The following RSU1 variants were observed in gnomAD, a reference collection of about 807,000 sequenced individuals.
The protein encoded by RSU1 is rsu-1.
A neutral mutation model predicts 31.1 loss-of-function variants in RSU1; 26 were observed. That is an observed-to-expected ratio of 0.84 (90% CI 0.61 to 1.16). The LOEUF (loss-of-function observed/expected upper bound fraction) is 1.16, where lower values mean the gene tolerates loss of function less well. Among genes scored for constraint, RSU1 ranks in the 50% most tolerant of loss-of-function variants. RSU1 has a pLI of 0.00. For missense variants in RSU1, 320 were observed against 339.1 expected, an observed-to-expected ratio of 0.94 and a Z score of 0.44; for synonymous variants, 164 against 136.3, an observed-to-expected ratio of 1.20 and a Z score of -1.41.
chr10:16,607,490 C>T (rs1321245046), intron 8 of RSU1, among the ~76,000 whole-genome samples: 2 of 152,158 alleles, frequency 1.3e-5, no homozygotes, highest in African/African-American at 2.4e-5. Context: ...GATTAATCCA[C>T]TAGCAGGGTG....
At chr10:16,788,150 G>GT (rs1837833168) in intron 2 of RSU1, among the ~76,000 whole-genome samples, 1 of 152,190 alleles carries the variant, frequency 6.6e-6, no homozygotes, top group Non-Finnish European at 1.5e-5. Flanking sequence ...ATTCATAGAT[G>GT]TATCAGTTAA....
At chr10:16,723,878 C>T (rs1407729382) in intron 7 of RSU1, among the ~76,000 whole-genome samples, 2 of 152,146 alleles carry the variant, frequency 1.3e-5, no homozygotes, top group Non-Finnish European at 2.9e-5. Flanking sequence ...GTTAGTAATC[C>T]TCACATTATC....
At chr10:16,688,323 T>C (rs1033717367) in intron 8 of RSU1, among the ~76,000 whole-genome samples, 1 of 152,112 alleles carries the variant, frequency 6.6e-6, no homozygotes, top group Non-Finnish European at 1.5e-5. Context: ...AAAGAAAATA[T>C]AGGCCAGTAG....
chr10:16,692,829 G>T (rs1564319355), intron 8 of RSU1, among the ~76,000 whole-genome samples: 1 of 151,972 alleles, frequency 6.6e-6, no homozygotes, highest in Non-Finnish European at 1.5e-5. Context: ...TATCCTTAAG[G>T]TAAGTCTTTA....
intron 2 of RSU1, among the ~76,000 whole-genome samples, chr10:16,805,061 T>C (rs1838237173): frequency 6.6e-6 from 1 of 151,660 alleles, no homozygotes; most frequent in Non-Finnish European, 1.5e-5. Flanking sequence ...ATTTGCCGGG[T>C]GTGATGGCGC....
rs766945785 is a variant in RSU1, at chr10:16,695,172, A to AGGGGGGG, written c.599-18_599-17insCCCCCCC. On this transcript the variant is annotated splice_polypyrimidine_tract_variant and intron_variant, in intron 7 of 8. Transcript: ENST00000345264. Reference sequence around the variant, plus strand: ...CCAAGTTTCCTGGGGGGGGGGAAAAAAAAAGTGAAGGTCACTTCATCCAAT... The same window carrying AGGGGGGG: ...CCAAGTTTCCTGGGGGGGGGGAAAAAGGGGGGGAAAAGTGAAGGTCACTTCATCCAAT... The AGGGGGGG allele has an allele frequency of 6.4e-7, 1 of 1,574,658 alleles. No individual in the cohort carries two copies. Among genetic ancestry groups the AGGGGGGG allele is most frequent in the African/African-American group, 1.4e-5 (1 of 71,092 alleles).
In RSU1 at chr10:16,788,348, C is replaced by T. The variant is rs148519160; in HGVS notation, c.110-6264G>A. ...CCCAAAAAATTCATATACGGAAGCC[C>T]GAATCCCCAGTGTATGGTATTGGGA... On this transcript the variant is annotated intron_variant, in intron 2 of 8. Transcript: ENST00000345264. Among the ~76,000 whole-genome samples, 447 of 152,194 alleles carry T rather than the reference C, an allele frequency of 2.9e-3. 2 individuals carry two copies. The highest frequency in any genetic ancestry group is 9.7e-3 in the African/African-American group (403 of 41,508).
At chr10:16,719,397 C>T (rs897378327) in intron 7 of RSU1, among the ~76,000 whole-genome samples, 7 of 152,166 alleles carry the variant, frequency 4.6e-5, no homozygotes, top group African/African-American at 1.4e-4. Flanking sequence ...TTCCATCAGA[C>T]AATGGTGGCT....
chr10:16,815,970 G>A (rs1046262259), intron 2 of RSU1, among the ~76,000 whole-genome samples: 1 of 152,188 alleles, frequency 6.6e-6, no homozygotes, highest in African/African-American at 2.4e-5. Flanking sequence ...GGAAGGGTAA[G>A]GTTGTGTTCA....
At chr10:16,771,539 T>C (rs1588524403) in intron 3 of RSU1, among the ~76,000 whole-genome samples, 1 of 152,226 alleles carries the variant, frequency 6.6e-6, no homozygotes, top group Non-Finnish European at 1.5e-5. Flanking sequence ...TTTTAATGAT[T>C]ATACATAAAG....
At chr10:16,793,971 T>C (rs1177590161) in intron 2 of RSU1, among the ~76,000 whole-genome samples, 1 of 151,884 alleles carries the variant, frequency 6.6e-6, no homozygotes, top group Non-Finnish European at 1.5e-5. Flanking sequence ...CCAATGCAGG[T>C]GAGCAATAAC....
At position 16,636,675 on chromosome 10, in the gene RSU1, T is replaced by G. The variant is rs138374373; in HGVS notation, c.732-43179A>C. Among the ~76,000 whole-genome samples, 1,194 of 152,316 alleles carry G rather than the reference T, an allele frequency of 7.8e-3. 10 individuals carry two copies. Among genetic ancestry groups the G allele is most frequent in the African/African-American group, 0.027 (1,122 of 41,564 alleles). On this transcript the variant is annotated intron_variant, in intron 8 of 8. Transcript: ENST00000345264. ...ACTCCTTCAAATGGTGCAGGAGACC[T>G]CCTATCTGATCTGTCTCCTAGCTCT...
At chr10:16,647,571 T>G (rs374291874) in intron 8 of RSU1, among the ~76,000 whole-genome samples, 3 of 152,210 alleles carry the variant, frequency 2.0e-5, no homozygotes, top group African/African-American at 2.4e-5. Context: ...AAAAAGGAAT[T>G]AAGTACTAAC....
At chr10:16,594,437 A>G (rs1588664498) in intron 8 of RSU1, among the ~76,000 whole-genome samples, 1 of 149,498 alleles carries the variant, frequency 6.7e-6, no homozygotes, top group East Asian at 2.0e-4. Flanking sequence ...TGAGTGTCTC[A>G]CTCTGTCACT....
intron 2 of RSU1, among the ~76,000 whole-genome samples, chr10:16,795,135 C>T (rs1414803988): frequency 6.6e-6 from 1 of 152,096 alleles, no homozygotes; most frequent in East Asian, 1.9e-4. Flanking sequence ...AGGCAGATCA[C>T]CTGAGGTCAG....
At chr10:16,806,655 C>G (rs1838274773) in intron 2 of RSU1, among the ~76,000 whole-genome samples, 1 of 152,136 alleles carries the variant, frequency 6.6e-6, no homozygotes, top group Non-Finnish European at 1.5e-5. Context: ...TTATTTTCAT[C>G]CTCCTAACAA....
At chr10:16,603,443 G>A (rs1017538262) in intron 8 of RSU1, among the ~76,000 whole-genome samples, 1 of 152,090 alleles carries the variant, frequency 6.6e-6, no homozygotes, top group Non-Finnish European at 1.5e-5. Context: ...AAAAATTCCC[G>A]GAGCAGATGC....
At chr10:16,630,619 T>C (rs1834230881) in intron 8 of RSU1, among the ~76,000 whole-genome samples, 1 of 152,200 alleles carries the variant, frequency 6.6e-6, no homozygotes. Flanking sequence ...AGACTGTCTC[T>C]TTGTGAGCCT....
intron 8 of RSU1, among the ~76,000 whole-genome samples, chr10:16,653,240 C>T (rs1022017901): frequency 1.3e-5 from 2 of 152,178 alleles, no homozygotes; most frequent in African/African-American, 4.8e-5. Context: ...TGTGTTACAA[C>T]AGGCTATTAA....
Sources: gnomAD v4.1 joint callset for allele counts (sites outside exome capture counted in the v4.1 genomes callset) on GRCh38, gnomAD v4.1.1 for gene constraint, MANE v1.5 for transcripts, NCBI Gene and HGNC (gene_info 2026-07-23, HGNC 2026-07-21) for gene names.